CCSER1: variants seen among roughly 807,000 people sequenced by gnomAD.
CCSER1 encodes the protein coiled-coil serine rich protein 1.
Under a neutral mutation model 82.0 loss-of-function variants are expected in CCSER1, and 41 were observed. The ratio of observed to expected loss-of-function variants is 0.50; its 90% CI spans 0.39 to 0.65. CCSER1 has a LOEUF of 0.65. Among genes scored for constraint, CCSER1 ranks in the 30% least tolerant of loss-of-function variants. The pLI, the probability that CCSER1 is intolerant of heterozygous loss-of-function variation, is 0.00. For missense variants in CCSER1, 1,119 were observed against 1,064.2 expected, an observed-to-expected ratio of 1.05 and a Z score of -0.72; for synonymous variants, 414 against 383.9, an observed-to-expected ratio of 1.08 and a Z score of -0.92.
intron 10 of CCSER1, among the ~76,000 whole-genome samples, chr4:91,091,007 A>T (rs994412462): frequency 1.3e-5 from 2 of 152,076 alleles, no homozygotes; most frequent in Non-Finnish European, 2.9e-5. Context: ...GCCAAACAGG[A>T]TCTTCTTCAT....
intron 3 of CCSER1, among the ~76,000 whole-genome samples, chr4:90,338,963 C>T (rs181025148): frequency 3.1e-4 from 47 of 152,092 alleles, no homozygotes; most frequent in African/African-American, 9.2e-4. Context: ...CAAGGAGTCT[C>T]GAGTAAAAGC....
At chr4:91,564,341 G>A (rs1762788794) in intron 10 of CCSER1, among the ~76,000 whole-genome samples, 1 of 151,898 alleles carries the variant, frequency 6.6e-6, no homozygotes, top group African/African-American at 2.4e-5. Flanking sequence ...TGTGAATAGT[G>A]CCACAATGAA....
intron 5 of CCSER1, among the ~76,000 whole-genome samples, chr4:90,554,204 AC>A (rs977647652): frequency 2.6e-5 from 4 of 152,090 alleles, no homozygotes; most frequent in Admixed American, 1.3e-4. Flanking sequence ...TACAAAAAAA[AC>A]ACGAATGAAT....
chr4:90,828,953 T>C (rs967450757), intron 8 of CCSER1, among the ~76,000 whole-genome samples: 3 of 152,058 alleles, frequency 2.0e-5, no homozygotes, highest in African/African-American at 7.2e-5. Context: ...GGTATATAAT[T>C]TCCTGGAGGA....
rs1309144011 is a variant in CCSER1, at chr4:90,271,841, TATATATATATATATATATA to T, written c.-41-36402_-41-36384del. On this transcript the variant is annotated intron_variant, in intron 1 of 10. Transcript: ENST00000509176. ...ACTGGACAATTTATATATATATATA[TATATATATATATATATATA>T]TATTTTTTTTTTTTTTTTTTTTTTT... Among the ~76,000 whole-genome samples the T allele has an allele frequency of 4.2e-4, 10 of 23,564 alleles. 1 individual carries two copies. Among genetic ancestry groups the T allele is most frequent in the African/African-American group, 2.4e-3 (7 of 2,964 alleles). The allele number at this position is 23,564 out of a possible 152,430, so 15.5% of individuals were successfully genotyped here.
chr4:90,218,167 C>T (rs79802394), intron 1 of CCSER1, among the ~76,000 whole-genome samples: 8,369 of 152,092 alleles, frequency 0.055, 647 homozygotes, highest in African/African-American at 0.17. Flanking sequence ...AAGCTTTATC[C>T]ATGTCTACTG....
chr4:90,950,752 G>T (rs115616718), intron 9 of CCSER1, among the ~76,000 whole-genome samples: 1,680 of 152,108 alleles, frequency 0.011, 29 homozygotes, highest in African/African-American at 0.039. Context: ...TGACTCCAGG[G>T]TATTCTTGAA....
intron 3 of CCSER1, among the ~76,000 whole-genome samples, chr4:90,342,293 A>C (rs1741522893): frequency 6.6e-6 from 1 of 152,174 alleles, no homozygotes; most frequent in South Asian, 2.1e-4. Context: ...GTGATTTGCT[A>C]CCAATGCATA....
At position 90,193,535 on chromosome 4, in the gene CCSER1, G is replaced by A. The variant is rs148618695; in HGVS notation, c.-42+65704G>A. On this transcript the variant is annotated intron_variant, in intron 1 of 10. Coordinates refer to ENST00000509176, the MANE Select transcript of CCSER1 (RefSeq NM_001145065.2). ...ACAACTTGGGAAACTGTACAATTAT[G>A]ATACATATTCTTAAAAGTTATTACT... Among the ~76,000 whole-genome samples, 204 of 151,512 alleles carry A rather than the reference G, an allele frequency of 1.3e-3. 1 individual carries two copies. Among genetic ancestry groups the A allele is most frequent in the African/African-American group, 4.8e-3 (197 of 41,374 alleles).
chr4:90,655,956 A>T (rs182043814), intron 6 of CCSER1, among the ~76,000 whole-genome samples: 1 of 151,946 alleles, frequency 6.6e-6, no homozygotes, highest in African/African-American at 2.4e-5. Context: ...TTGCACAGTT[A>T]TAATATTCTT....
At chr4:90,683,266 T>A (rs1468372517) in intron 6 of CCSER1, 1 of 152,152 alleles carries the variant, frequency 6.6e-6, no homozygotes, top group African/African-American at 2.4e-5. Context: ...CTTAAAGTGC[T>A]TCTATGAAAA....
chr4:90,174,929 T>C (rs1732389680), intron 1 of CCSER1, among the ~76,000 whole-genome samples: 1 of 151,994 alleles, frequency 6.6e-6, no homozygotes, highest in African/African-American at 2.4e-5. Context: ...GCAAGCACTT[T>C]GGAATGCAAC....
chr4:90,192,186 G>A (rs966862507), intron 1 of CCSER1, among the ~76,000 whole-genome samples: 2 of 152,000 alleles, frequency 1.3e-5, no homozygotes, highest in African/African-American at 4.8e-5. Flanking sequence ...ATGTTACGTG[G>A]ATGGCAGCAG....
intron 7 of CCSER1, among the ~76,000 whole-genome samples, chr4:90,732,377 C>T (rs1260839760): frequency 6.6e-6 from 1 of 152,078 alleles, no homozygotes; most frequent in Non-Finnish European, 1.5e-5. Context: ...TCACACTCGC[C>T]TCTACCAGCA....
At position 90,559,987 on chromosome 4, in the gene CCSER1, A is replaced by G. The variant is rs989684036; in HGVS notation, c.1725-68038A>G. ...AGGAAAAACTACAACAACAACAACA[A>G]AAACAAAAGGACTGACAGCTGAAGC... On this transcript the variant is annotated intron_variant, in intron 5 of 10. Coordinates refer to ENST00000509176, the MANE Select transcript of CCSER1 (RefSeq NM_001145065.2). Among the ~76,000 whole-genome samples, 14 of 152,066 alleles carry G rather than the reference A, an allele frequency of 9.2e-5. No individual in the cohort carries two copies. In the South Asian group the frequency reaches 1.7e-3, roughly 18 times the overall value.
intron 6 of CCSER1, among the ~76,000 whole-genome samples, chr4:90,646,057 T>C (rs1453572640): frequency 6.6e-6 from 1 of 151,528 alleles, no homozygotes; most frequent in African/African-American, 2.4e-5. Context: ...GAGGAAACAA[T>C]TTTTTTTTGG....
chr4:90,672,785 T>C (rs1294979037), intron 6 of CCSER1, among the ~76,000 whole-genome samples: 1 of 152,010 alleles, frequency 6.6e-6, no homozygotes, highest in Non-Finnish European at 1.5e-5. Context: ...CATTGTAGCA[T>C]GATTAATTGG....
At chr4:90,698,806 C>A (rs1737471066) in intron 6 of CCSER1, among the ~76,000 whole-genome samples, 1 of 152,100 alleles carries the variant, frequency 6.6e-6, no homozygotes, top group African/African-American at 2.4e-5. Flanking sequence ...GGTTTGTAAA[C>A]CAACTCAACA....
At chr4:91,148,511 T>A (rs1318121598) in intron 10 of CCSER1, among the ~76,000 whole-genome samples, 2 of 152,116 alleles carry the variant, frequency 1.3e-5, no homozygotes, top group African/African-American at 2.4e-5. Context: ...ATACTTTAAG[T>A]TCCAGGGTTC....
Sources: allele counts gnomAD v4.1 joint callset (sites outside exome capture counted in the v4.1 genomes callset), GRCh38; gene constraint gnomAD v4.1.1; transcripts MANE v1.5; gene names NCBI Gene and HGNC (gene_info 2026-07-23, HGNC 2026-07-21).